The following TRIM2 variants were observed in gnomAD, a reference collection of about 807,000 sequenced individuals.
TRIM2 encodes tripartite motif-containing protein 2.
Under a neutral mutation model 75.2 loss-of-function variants are expected in TRIM2, and 20 were observed. The ratio of observed to expected loss-of-function variants is 0.27; its 90% CI spans 0.19 to 0.39. The LOEUF is 0.39. TRIM2 is among the 10% of genes least tolerant of loss of function. The pLI, the probability that TRIM2 is intolerant of heterozygous loss-of-function variation, is 1.00. For synonymous variants in TRIM2, 373 were observed against 388.3 expected (o/e 0.96, Z 0.46); for missense variants, 660 against 990.8 (o/e 0.67, Z 4.48).
Position 153,338,161 on chromosome 4 carries a change from C to T in TRIM2, c.*3195C>T. ...CACTACTAAATATACAGGGTATGTC[C>T]TAACATGGAGTTAACTGGAATAGCA... On this transcript the variant is annotated 3_prime_UTR_variant, in exon 12 of 12. Coordinates refer to ENST00000338700, the MANE Select transcript of TRIM2 (RefSeq NM_015271.5). 1 of 985,836 alleles carries T rather than the reference C, an allele frequency of 1.0e-6. No homozygotes were observed. Among genetic ancestry groups the T allele is most frequent in the Non-Finnish European group, 1.2e-6 (1 of 829,930 alleles). 61.1% of individuals were successfully genotyped at this position (985,836 alleles called of 1,614,324 possible).
chr4:153,204,587 A>G (rs1198613298), intron 1 of TRIM2, 27 bp downstream of exon 1: 3 of 1,551,696 alleles, frequency 1.9e-6, no homozygotes, highest in Non-Finnish European at 2.6e-6. Flanking sequence ...ATGTGGGATA[A>G]TTCTTTTTCT....
At chr4:153,328,476 G>A in intron 10 of TRIM2, 54 bp from the exon 11 acceptor site, 1 of 1,490,876 alleles carries the variant, frequency 6.7e-7, no homozygotes. Flanking sequence ...AATCCATCAT[G>A]TTGGTTCAAG....
intron 1 of TRIM2, among the ~76,000 whole-genome samples, chr4:153,179,943 T>A (rs1731878915): frequency 6.6e-6 from 1 of 152,154 alleles, no homozygotes; most frequent in Admixed American, 6.5e-5. Context: ...GCTAAATCTA[T>A]ACGGTTAATT....
At chr4:153,257,770 G>C (rs1752432686) in intron 1 of TRIM2, 1 of 448,548 alleles carries the variant, frequency 2.2e-6, no homozygotes, top group Admixed American at 2.5e-5. Flanking sequence ...GAAATGGGTA[G>C]GTCCTAAATG....
At chr4:153,331,245 T>C (rs1771414459) in intron 11 of TRIM2, among the ~76,000 whole-genome samples, 1 of 151,974 alleles carries the variant, frequency 6.6e-6, no homozygotes, top group Non-Finnish European at 1.5e-5. Context: ...ATTCCTTAAG[T>C]CTGGGAGTTG....
chr4:153,334,697 C>A, intron 11 of TRIM2, 117 bp from the exon 12 acceptor site: 2 of 998,020 alleles, frequency 2.0e-6, no homozygotes, highest in African/African-American at 1.6e-5. Flanking sequence ...CAGAGTGAGA[C>A]CCTGTCAAAA....
At chr4:153,334,651 A>C (rs1002271314) in intron 11 of TRIM2, among the ~76,000 whole-genome samples, 163 bp from the exon 12 acceptor site, 2 of 152,226 alleles carry the variant, frequency 1.3e-5, no homozygotes, top group African/African-American at 4.8e-5. Context: ...GGTTACAGTA[A>C]GCTGTCTTCA....
intron 6 of TRIM2, among the ~76,000 whole-genome samples, chr4:153,315,175 C>A (rs1044439500): frequency 6.6e-6 from 1 of 152,034 alleles, no homozygotes; most frequent in African/African-American, 2.4e-5. Flanking sequence ...AAAGGCAGGC[C>A]GTATTAGTTT....
chr4:153,210,974 G>A (rs1736830209), intron 1 of TRIM2, among the ~76,000 whole-genome samples: 1 of 152,174 alleles, frequency 6.6e-6, no homozygotes, highest in African/African-American at 2.4e-5. Context: ...ACCATTGTCT[G>A]AGCTGTCACT....
rs1772688079 is a variant in TRIM2 at position 153,338,287 on chromosome 4, T to G, written c.*3321T>G. 15 of 985,806 alleles carry G rather than the reference T, an allele frequency of 1.5e-5. No individual in the cohort carries two copies. The South Asian group carries it at 7.0e-4, about 46-fold the overall frequency. The allele number at this position is 985,806 out of a possible 1,614,324, so 61.1% of individuals were successfully genotyped here. The stretch of plus-strand genomic sequence containing the variant: ...ATTGGAGGAAGTAGTAAATAAACAT[T>G]AGGTAATCTGCAGATTACTTCAAAT... On this transcript the variant is annotated 3_prime_UTR_variant, in exon 12 of 12. Transcript: ENST00000338700.
chr4:153,313,430 C>G (rs867025555), intron 6 of TRIM2, among the ~76,000 whole-genome samples: 3 of 152,064 alleles, frequency 2.0e-5, no homozygotes, highest in Non-Finnish European at 2.9e-5. Context: ...TGATTCTGCC[C>G]AGCAATTTTG....
chr4:153,240,907 T>C (rs2149841311), intron 1 of TRIM2, among the ~76,000 whole-genome samples: 1 of 152,218 alleles, frequency 6.6e-6, no homozygotes, highest in African/African-American at 2.4e-5. Flanking sequence ...TGAAACCTTG[T>C]CTCTACTAAA....
intron 1 of TRIM2, among the ~76,000 whole-genome samples, chr4:153,255,210 T>G (rs73854619): frequency 8.9e-4 from 135 of 152,338 alleles, no homozygotes; most frequent in African/African-American, 3.1e-3. Context: ...CATTGCCTAC[T>G]CAGTGCTTGG....
chr4:153,311,333 GCAC>G (rs1766249628), intron 6 of TRIM2, among the ~76,000 whole-genome samples: 1 of 151,134 alleles, frequency 6.6e-6, no homozygotes, highest in African/African-American at 2.5e-5. Context: ...TAGTACTAAA[GCAC>G]TATTTTCTCT....
At chr4:153,192,443 C>CA (rs1384271338) in intron 1 of TRIM2, among the ~76,000 whole-genome samples, 2 of 151,686 alleles carry the variant, frequency 1.3e-5, no homozygotes, top group Non-Finnish European at 2.9e-5. Context: ...CCCATCTCTA[C>CA]AAAAAATACA....
In TRIM2 at chr4:153,322,848, T is replaced by C. The variant is rs201814502; in HGVS notation, c.1951+32T>C. On this transcript the variant is annotated intron_variant, in intron 9 of 11. Coordinates refer to ENST00000338700, the MANE Select transcript of TRIM2 (RefSeq NM_015271.5). ...TCGATGGTAATATGTAAACCCCCTT[T>C]TTTATGCTTCTTCTGCTCACATTTG... 1.3e-4 allele frequency: 212 copies of C among 1,612,442 alleles called. 4 individuals are homozygous for C. In the East Asian group the frequency reaches 2.2e-3, roughly 16 times the overall value.
intron 3 of TRIM2, among the ~76,000 whole-genome samples, chr4:153,283,730 A>G (rs62323740): frequency 6.7e-6 from 1 of 149,108 alleles, no homozygotes; most frequent in Non-Finnish European, 1.5e-5. Flanking sequence ...TCTGCCTCCC[A>G]GGTTCAAGCA....
intron 1 of TRIM2, among the ~76,000 whole-genome samples, chr4:153,219,800 A>G (rs1739461699): frequency 6.6e-6 from 1 of 152,200 alleles, no homozygotes; most frequent in Non-Finnish European, 1.5e-5. Flanking sequence ...CTTGGGAGGC[A>G]GAGGTTGCAG....
chr4:153,239,828 C>CTTTTT (rs1171841223), intron 1 of TRIM2, among the ~76,000 whole-genome samples: 1 of 120,976 alleles, frequency 8.3e-6, no homozygotes, highest in African/African-American at 4.4e-5. Context: ...TCCTAACTTT[C>CTTTTT]TTTCTCTTTT....
Sources: gnomAD v4.1 joint callset for allele counts (sites outside exome capture counted in the v4.1 genomes callset) on GRCh38, gnomAD v4.1.1 for gene constraint, MANE v1.5 for transcripts, NCBI Gene and HGNC (gene_info 2026-07-23, HGNC 2026-07-21) for gene names.